The following BCAP29 variants were observed in gnomAD, a reference collection of about 807,000 sequenced individuals.
BCAP29 encodes the protein B cell receptor associated protein 29.
BCAP29 carries 34 observed loss-of-function variants against 31.8 expected under a neutral mutation model. The observed-to-expected ratio is 1.07, with a 90% CI of 0.81 to 1.42. The LOEUF (loss-of-function observed/expected upper bound fraction) is 1.42. Among genes scored for constraint, BCAP29 ranks in the 40% most tolerant of loss-of-function variants. The probability of loss-of-function intolerance (pLI) is 0.00; values close to 1 mark genes in which losing one functional copy is unlikely to be tolerated. For synonymous variants in BCAP29, 104 were observed against 91.3 expected, an observed-to-expected ratio of 1.14 and a Z score of -0.79; for missense variants, 314 against 269.2, an observed-to-expected ratio of 1.17 and a Z score of -1.16.
chr7:107,621,166 G>T (rs577691304), downstream of BCAP29: 1 of 153,672 alleles, frequency 6.5e-6, no homozygotes, highest in Non-Finnish European at 1.4e-5. Context: ...CTGCTAACAT[G>T]ACAAACTATT....
intron 6 of BCAP29, among the ~76,000 whole-genome samples, chr7:107,610,530 A>G (rs1812928285): frequency 6.6e-6 from 1 of 152,238 alleles, no homozygotes; most frequent in African/African-American, 2.4e-5. Context: ...ATAAAATGAG[A>G]TAAAGGACTG....
chr7:107,621,481 C>T (rs1439805163), downstream of BCAP29: 5 of 319,880 alleles, frequency 1.6e-5, no homozygotes, highest in African/African-American at 8.7e-5. Flanking sequence ...ATTATGACTT[C>T]CCAAAAGATA....
chr7:107,594,178 T>A, intron 4 of BCAP29, 73 bp downstream of exon 4: 1 of 1,385,870 alleles, frequency 7.2e-7, no homozygotes, highest in Non-Finnish European at 9.8e-7. Context: ...TTTGTCCACC[T>A]TTACTGTAGA....
chr7:107,609,997 C>A (rs1812838199), intron 6 of BCAP29, among the ~76,000 whole-genome samples: 1 of 152,204 alleles, frequency 6.6e-6, no homozygotes, highest in Admixed American at 6.5e-5. Flanking sequence ...GTGTTTCTAT[C>A]TCTGGTCGAA....
intron 2 of BCAP29, among the ~76,000 whole-genome samples, chr7:107,581,415 A>G (rs1222116777): frequency 1.3e-5 from 2 of 152,238 alleles, no homozygotes; most frequent in Non-Finnish European, 2.9e-5. Flanking sequence ...TGAATGTGAA[A>G]AGTATCACAA....
rs576947546 is a variant in BCAP29 at position 107,618,748 on chromosome 7, A to G, written c.*385A>G. ...GATAAGTTTTCAGTAATAATAACCT[A>G]TTTAATCAGATGATGATGTGTTTGA... On this transcript the variant is annotated 3_prime_UTR_variant, in exon 8 of 8. Coordinates refer to ENST00000005259, the MANE Select transcript of BCAP29 (RefSeq NM_018844.4). 55 of 596,514 alleles carry G rather than the reference A, an allele frequency of 9.2e-5. No individual in the cohort carries two copies. Among genetic ancestry groups the G allele is most frequent in the Admixed American group, 2.6e-4 (8 of 30,652 alleles). The allele number at this position is 596,514 out of a possible 1,614,324, so 37.0% of individuals were successfully genotyped here.
chr7:107,595,611 CCTT>C (rs1363341356), intron 4 of BCAP29, among the ~76,000 whole-genome samples: 2 of 152,180 alleles, frequency 1.3e-5, no homozygotes, highest in Admixed American at 6.5e-5. Context: ...CAAGCTAAAG[CCTT>C]CTACAGGAAA....
chr7:107,599,890 A>G lies in BCAP29; in HGVS notation c.481-507A>G, dbSNP rs185117447. ...ATAACAGTAATTTGGAAACTATTCA[A>G]TGAAAATTAGAACTTTCCAGCTGTA... On this transcript the variant is annotated intron_variant, in intron 5 of 7. Transcript: ENST00000005259. 2.6e-4 allele frequency among the ~76,000 whole-genome samples: 39 copies of G among 152,274 alleles called. 1 individual carries two copies. The East Asian group carries it at 4.0e-3, about 16-fold the overall frequency.
chr7:107,610,680 A>G (rs1457824038), intron 6 of BCAP29, among the ~76,000 whole-genome samples: 1 of 152,200 alleles, frequency 6.6e-6, no homozygotes, highest in East Asian at 1.9e-4. Flanking sequence ...AAGTGGCAGA[A>G]AAACAGTATT....
At chr7:107,580,181 GCCTGCGGGGCGTGAGGCGGGGTGGGGC>G (rs1376259018), upstream of BCAP29, 2 of 152,090 alleles carry the variant, frequency 1.3e-5, no homozygotes, top group Non-Finnish European at 2.9e-5. Context: ...GCGGGCGGGA[GCCTGCGGGGCGTGAGGCGGGGTGGGGC>G]CCTGGCTCCC....
intron 5 of BCAP29, among the ~76,000 whole-genome samples, chr7:107,599,188 TGTATATAAATAC>T (rs1810499342): frequency 4.6e-5 from 4 of 86,698 alleles, no homozygotes; most frequent in South Asian, 4.7e-4. Flanking sequence ...AAAATTTATA[TGTATATAAATAC>T]ATATTTATAA....
Position 107,618,350 on chromosome 7 carries a change from AGAAAAGACTGTGAACTTT to A in BCAP29, c.714_*5del, listed in dbSNP as rs1814561829. ...CAGGATCGTTTAGAAAGAGGCAACA[AGAAAAGACTGTGAACTTT>A]ATAAAAGACACTTGCAATATACTGT... On this transcript the variant is annotated stop_lost and 3_prime_UTR_variant, in exon 8 of 8. Coordinates refer to ENST00000005259, the MANE Select transcript of BCAP29 (RefSeq NM_018844.4). 1.3e-6 allele frequency: 2 copies of A among 1,598,656 alleles called. No homozygotes were observed. The highest frequency in any genetic ancestry group is 4.5e-5 in the East Asian group (2 of 44,558).
intron 5 of BCAP29, among the ~76,000 whole-genome samples, chr7:107,600,076 T>A (rs1810881575): frequency 6.6e-6 from 1 of 152,124 alleles, no homozygotes; most frequent in African/African-American, 2.4e-5. Context: ...TCCCTTAGAT[T>A]TACATTTCTC....
At chr7:107,615,597 G>GAAA in intron 7 of BCAP29, 2 of 199,844 alleles carry the variant, frequency 1.0e-5, no homozygotes, top group East Asian at 1.1e-4. Flanking sequence ...CTCCATCTCA[G>GAAA]AAAAAAAAAA....
downstream of BCAP29, chr7:107,622,111 A>G: frequency 2.4e-6 from 1 of 413,634 alleles, no homozygotes; most frequent in Non-Finnish European, 4.8e-6. Flanking sequence ...CCTCTGCCTA[A>G]CTGCAAGCCA....
intron 3 of BCAP29, among the ~76,000 whole-genome samples, chr7:107,587,032 A>G (rs1446388411): frequency 6.6e-6 from 1 of 152,144 alleles, no homozygotes. Flanking sequence ...CACCCAGCCA[A>G]AATAAGGTAG....
At chr7:107,597,776 A>G (rs570237420) in intron 5 of BCAP29, among the ~76,000 whole-genome samples, 5 of 152,160 alleles carry the variant, frequency 3.3e-5, no homozygotes, top group Non-Finnish European at 7.4e-5. Context: ...CTCAACTCCT[A>G]TGTTATCTGA....
chr7:107,599,304 A>AT, intron 5 of BCAP29, among the ~76,000 whole-genome samples: 3 of 31,950 alleles, frequency 9.4e-5, no homozygotes, highest in Non-Finnish European at 5.5e-5. Context: ...AATTATATAT[A>AT]AATTTTATAT....
chr7:107,618,470 T>C lies in BCAP29; in HGVS notation c.*107T>C. ...AAATGCACTATGACCGGTTCGTAAT[T>C]TTTTTAATGCCACACATAGGTTGTA... On this transcript the variant is annotated 3_prime_UTR_variant, in exon 8 of 8. Transcript: ENST00000005259. The C allele has an allele frequency of 6.2e-7, 1 of 1,613,108 alleles. No homozygotes were observed. Among genetic ancestry groups the C allele is most frequent in the Middle Eastern group, 1.7e-4 (1 of 6,054 alleles).
Sources: gnomAD v4.1 joint callset for allele counts (sites outside exome capture counted in the v4.1 genomes callset) on GRCh38, gnomAD v4.1.1 for gene constraint, MANE v1.5 for transcripts, NCBI Gene and HGNC (gene_info 2026-07-23, HGNC 2026-07-21) for gene names.